The following ARL15 variants were observed in gnomAD, a reference collection of about 807,000 sequenced individuals.
The protein encoded by ARL15 is ARF like GTPase 15.
A neutral mutation model predicts 25.2 loss-of-function variants in ARL15; 19 were observed. The observed-to-expected ratio is 0.75, with a 90% CI of 0.53 to 1.10. The LOEUF (loss-of-function observed/expected upper bound fraction) is 1.10. Ranked by LOEUF, ARL15 falls within the 50% of genes least tolerant of loss-of-function variation. The pLI is 0.00. For missense variants in ARL15, 220 were observed against 246.0 expected, an observed-to-expected ratio of 0.89 and a Z score of 0.71; for synonymous variants, 94 against 86.8, an observed-to-expected ratio of 1.08 and a Z score of -0.46.
chr5:54,026,966 A>G (rs1749802314), intron 4 of ARL15, among the ~76,000 whole-genome samples: 1 of 152,216 alleles, frequency 6.6e-6, no homozygotes, highest in South Asian at 2.1e-4. Context: ...GATATAAGCC[A>G]CATGAACCAT....
At chr5:53,960,076 C>G (rs1470050384) in intron 4 of ARL15, among the ~76,000 whole-genome samples, 1 of 152,026 alleles carries the variant, frequency 6.6e-6, no homozygotes, top group African/African-American at 2.4e-5. Context: ...AACGAAAGTG[C>G]TTGACGGGAA....
intron 4 of ARL15, among the ~76,000 whole-genome samples, chr5:54,049,910 T>C (rs1272491769): frequency 2.6e-5 from 4 of 152,118 alleles, no homozygotes; most frequent in Admixed American, 6.5e-5. Context: ...CATTTTGTTC[T>C]AAACAACTTG....
intron 4 of ARL15, among the ~76,000 whole-genome samples, chr5:54,071,780 G>A (rs983800319): frequency 7.9e-5 from 12 of 151,936 alleles, no homozygotes; most frequent in African/African-American, 2.7e-4. Flanking sequence ...GACCATCCTG[G>A]CTAACACGGT....
chr5:54,042,132 G>A (rs913484099), intron 4 of ARL15, among the ~76,000 whole-genome samples: 2 of 151,978 alleles, frequency 1.3e-5, no homozygotes, highest in African/African-American at 2.4e-5. Flanking sequence ...CACCACGCCT[G>A]GCTAATTTTT....
chr5:53,951,898 T>C, intron 4 of ARL15, among the ~76,000 whole-genome samples: 1 of 141,278 alleles, frequency 7.1e-6, no homozygotes, highest in Non-Finnish European at 1.5e-5. Flanking sequence ...GGGGAATAAC[T>C]CAAATTCCAT....
At chr5:54,189,521 G>A (rs529755271) in intron 1 of ARL15, among the ~76,000 whole-genome samples, 3 of 151,944 alleles carry the variant, frequency 2.0e-5, no homozygotes, top group Non-Finnish European at 2.9e-5. Context: ...TTTGGGCAAG[G>A]GTGAAAAGAT....
chr5:54,021,571 C>T (rs1749601593), intron 4 of ARL15, among the ~76,000 whole-genome samples: 1 of 152,102 alleles, frequency 6.6e-6, no homozygotes, highest in Non-Finnish European at 1.5e-5. Context: ...ACAGAAATTA[C>T]TCAATCTGAA....
intron 1 of ARL15, among the ~76,000 whole-genome samples, chr5:54,181,202 C>T (rs1404889811): frequency 1.3e-5 from 2 of 151,926 alleles, no homozygotes; most frequent in African/African-American, 4.8e-5. Flanking sequence ...GGAAAGAAAA[C>T]TAAGTAAAAA....
chr5:54,244,580 A>G (rs964008917), intron 1 of ARL15, among the ~76,000 whole-genome samples: 7 of 152,238 alleles, frequency 4.6e-5, no homozygotes, highest in African/African-American at 1.4e-4. Context: ...AGAATCATCT[A>G]GACTGGCAGC....
intron 3 of ARL15, among the ~76,000 whole-genome samples, chr5:54,130,336 G>A (rs1488271436): frequency 6.6e-6 from 1 of 152,148 alleles, no homozygotes; most frequent in African/African-American, 2.4e-5. Flanking sequence ...TAAAAAAAGT[G>A]TTCTGGGAAG....
Position 54,050,314 on chromosome 5 carries a change from G to T in ARL15, c.462+62888C>A, listed in dbSNP as rs192762233. On this transcript the variant is annotated intron_variant, in intron 4 of 4. Transcript: ENST00000504924. ...CTCTGTTTAGATTAGAATTAGAGATGAAATTGTGCAGTTCTTGTTGCTGCT... is the reference window on the plus strand; with the variant it reads ...CTCTGTTTAGATTAGAATTAGAGATTAAATTGTGCAGTTCTTGTTGCTGCT... Among the ~76,000 whole-genome samples, 310 of 152,326 alleles carry T rather than the reference G, an allele frequency of 2.0e-3. 1 individual carries two copies. Among genetic ancestry groups the T allele is most frequent in the Non-Finnish European group, 2.8e-3 (188 of 68,038 alleles).
chr5:54,202,626 G>T (rs1561264995), intron 1 of ARL15, among the ~76,000 whole-genome samples: 1 of 152,118 alleles, frequency 6.6e-6, no homozygotes, highest in Non-Finnish European at 1.5e-5. Flanking sequence ...TAATAAAATG[G>T]TGTTGTTTTA....
At chr5:53,952,801 T>G (rs553541734) in intron 4 of ARL15, among the ~76,000 whole-genome samples, 2 of 152,292 alleles carry the variant, frequency 1.3e-5, no homozygotes, top group African/African-American at 2.4e-5. Context: ...GATTTCACAG[T>G]GTCAGGAGAA....
chr5:53,892,456 T>C (rs1449651794), intron 4 of ARL15, among the ~76,000 whole-genome samples: 1 of 152,210 alleles, frequency 6.6e-6, no homozygotes, highest in Non-Finnish European at 1.5e-5. Context: ...TTAACTGTCT[T>C]GAACCACGTG....
chr5:53,884,953 CCTTCCTGATTCATGACAT>C lies in ARL15; in HGVS notation c.*1590_*1607del, dbSNP rs1358935090. 6.6e-6 allele frequency: 1 copy of C among 152,126 alleles called. No individual in the cohort carries two copies. The highest frequency in any genetic ancestry group is 2.4e-5 in the African/African-American group (1 of 41,268). 9.4% of individuals were successfully genotyped at this position (152,126 alleles called of 1,614,324 possible). ...AAATTGTATACGAATCACTATGTAT[CCTTCCTGATTCATGACAT>C]TAAAAAAAAAAAGCTTAAAGAAGTG... On this transcript the variant is annotated 3_prime_UTR_variant, in exon 5 of 5. Transcript: ENST00000504924.
chr5:54,149,987 G>A (rs1450260338), intron 3 of ARL15, among the ~76,000 whole-genome samples: 2 of 152,236 alleles, frequency 1.3e-5, no homozygotes, highest in East Asian at 3.9e-4. Context: ...TACCTTGGAT[G>A]GTATTAGAAA....
chr5:53,949,290 T>G (rs1746864740), intron 4 of ARL15, among the ~76,000 whole-genome samples: 1 of 152,184 alleles, frequency 6.6e-6, no homozygotes, highest in Non-Finnish European at 1.5e-5. Context: ...GCTAGAGTAT[T>G]CACAAATACA....
At chr5:54,254,216 T>C (rs1258862633) in intron 1 of ARL15, among the ~76,000 whole-genome samples, 1 of 152,214 alleles carries the variant, frequency 6.6e-6, no homozygotes, top group African/African-American at 2.4e-5. Context: ...ATGAAGATCC[T>C]TTGTCAACTA....
rs547472569 is a variant in ARL15, at chr5:54,124,360, G to A, written c.254-10950C>T. Among the ~76,000 whole-genome samples, 469 of 152,156 alleles carry A rather than the reference G, an allele frequency of 3.1e-3. 5 individuals carry two copies. The highest frequency in any genetic ancestry group is 0.011 in the African/African-American group (456 of 41,506). ...CTTGTAATTCTGACATAGGATCAAC[G>A]TCCATTTTTTAAAAATTTGTTTTAA... On this transcript the variant is annotated intron_variant, in intron 3 of 4. Transcript: ENST00000504924.
Sources: allele counts gnomAD v4.1 joint callset (sites outside exome capture counted in the v4.1 genomes callset), GRCh38; gene constraint gnomAD v4.1.1; transcripts MANE v1.5; gene names NCBI Gene and HGNC (gene_info 2026-07-23, HGNC 2026-07-21).